The following TNKS variants were observed in gnomAD, a reference collection of about 807,000 sequenced individuals.
TNKS encodes the protein poly [ADP-ribose] polymerase tankyrase-1.
TNKS carries 72 observed loss-of-function variants against 135.8 expected under a neutral mutation model. The observed-to-expected ratio is 0.53, with a 90% CI of 0.44 to 0.64. TNKS has a LOEUF of 0.64. Ranked by LOEUF, TNKS falls within the 30% of genes least tolerant of loss-of-function variation. The pLI is 0.00. For missense variants in TNKS, 1,769 were observed against 1,674.0 expected (o/e 1.06, Z -0.99); for synonymous variants, 849 against 649.3 (o/e 1.31, Z -4.68).
In TNKS at chr8:9,779,937, A is replaced by C. The variant is rs984315086; in HGVS notation, c.*3201A>C. On this transcript the variant is annotated 3_prime_UTR_variant, in exon 27 of 27. Coordinates refer to ENST00000310430, the MANE Select transcript of TNKS (RefSeq NM_003747.3). ...GATGTTTTCATGAAATAGCATCCTTATACTTCTTTGAGCTTGATGTTAGTG... is the reference window on the plus strand; with the variant it reads ...GATGTTTTCATGAAATAGCATCCTTCTACTTCTTTGAGCTTGATGTTAGTG... 2.6e-5 allele frequency: 4 copies of C among 152,256 alleles called. No homozygotes were observed. The highest frequency in any genetic ancestry group is 1.9e-4 in the East Asian group (1 of 5,202). 9.4% of individuals were successfully genotyped at this position (152,256 alleles called of 1,614,324 possible).
intron 11 of TNKS, among the ~76,000 whole-genome samples, chr8:9,719,893 G>T (rs1804791109): frequency 6.6e-6 from 1 of 152,112 alleles, no homozygotes; most frequent in African/African-American, 2.4e-5. Context: ...ATTCAATTAA[G>T]ATATTATAAT....
intron 3 of TNKS, among the ~76,000 whole-genome samples, chr8:9,677,107 C>G (rs999636649): frequency 6.6e-6 from 1 of 152,110 alleles, no homozygotes; most frequent in Admixed American, 6.6e-5. Context: ...GTTAGCTGTT[C>G]CTGGGAGCTA....
chr8:9,741,645 C>T (rs1563202894), intron 17 of TNKS: 1 of 488,756 alleles, frequency 2.0e-6, no homozygotes. Flanking sequence ...AAGTATTTTA[C>T]CTTTTGATCC....
intron 2 of TNKS, among the ~76,000 whole-genome samples, chr8:9,587,770 TTTG>T (rs1450739880): frequency 8.5e-5 from 13 of 152,146 alleles, no homozygotes; most frequent in Non-Finnish European, 1.9e-4. Context: ...GGAGAGTAAG[TTTG>T]TTGTTGTTAT....
chr8:9,774,022 A>G (rs542129924), intron 26 of TNKS, among the ~76,000 whole-genome samples: 124 of 152,274 alleles, frequency 8.1e-4, no homozygotes, highest in African/African-American at 2.8e-3. Flanking sequence ...GAGTAGTAGT[A>G]TTCGTTATTG....
chr8:9,595,921 G>A (rs906286669), intron 2 of TNKS, among the ~76,000 whole-genome samples: 19 of 152,242 alleles, frequency 1.2e-4, no homozygotes, highest in African/African-American at 4.3e-4. Context: ...AGACCAGCCT[G>A]AGCAATAAAG....
chr8:9,747,259 TC>T (rs905751437), intron 17 of TNKS, among the ~76,000 whole-genome samples: 50 of 133,986 alleles, frequency 3.7e-4, no homozygotes, highest in African/African-American at 1.3e-3. Flanking sequence ...CCCCCCTCCT[TC>T]CCCCCCTCAA....
chr8:9,696,075 A>T (rs1414627272), intron 5 of TNKS, among the ~76,000 whole-genome samples: 1 of 152,194 alleles, frequency 6.6e-6, no homozygotes, highest in African/African-American at 2.4e-5. Context: ...CCTCCACAGT[A>T]TGGAAGTTAG....
chr8:9,759,222 C>T (rs530989302), intron 20 of TNKS, among the ~76,000 whole-genome samples: 11 of 152,232 alleles, frequency 7.2e-5, no homozygotes, highest in Non-Finnish European at 1.6e-4. Context: ...TTGAGTCTGT[C>T]TGCCATAGCG....
At position 9,764,884 on chromosome 8, in the gene TNKS, T is replaced by C. The variant is rs186852638; in HGVS notation, c.3447+94T>C. On this transcript the variant is annotated intron_variant, in intron 23 of 26. Transcript: ENST00000310430. ...GAAAAAAGTTTATTAAGTCATATTTTCAAACTGTGAAAGATAATTCGTCAC... is the reference window on the plus strand; with the variant it reads ...GAAAAAAGTTTATTAAGTCATATTTCCAAACTGTGAAAGATAATTCGTCAC... 37 of 971,480 alleles carry C rather than the reference T, an allele frequency of 3.8e-5. No individual in the cohort carries two copies. The East Asian group carries it at 9.6e-4, about 25-fold the overall frequency. 60.2% of individuals were successfully genotyped at this position (971,480 alleles called of 1,614,324 possible).
Position 9,735,491 on chromosome 8 carries a change from G to A in TNKS, c.2643+5G>A. 6.2e-7 allele frequency: 1 copy of A among 1,610,126 alleles called. No homozygotes were observed. The highest frequency in any genetic ancestry group is 8.5e-7 in the Non-Finnish European group (1 of 1,176,444). ...CATAATGCGGCATCTTATGGGGTAA[G>A]CATACTAACATTAAAATCTAGAAAA... On this transcript the variant is annotated splice_donor_5th_base_variant and intron_variant, in intron 17 of 26. Transcript: ENST00000310430.
At chr8:9,636,331 A>G (rs1013911355) in intron 3 of TNKS, among the ~76,000 whole-genome samples, 1 of 152,164 alleles carries the variant, frequency 6.6e-6, no homozygotes, top group Non-Finnish European at 1.5e-5. Flanking sequence ...AAACTGATTG[A>G]TGTTAATAAG....
chr8:9,614,442 T>TC (rs1799566530), intron 2 of TNKS, among the ~76,000 whole-genome samples: 1 of 152,242 alleles, frequency 6.6e-6, no homozygotes, highest in Admixed American at 6.5e-5. Flanking sequence ...GGCAGCTGTG[T>TC]CCTAGTTCTG....
intron 1 of TNKS, chr8:9,557,391 C>T (rs1815368861): frequency 7.0e-6 from 1 of 143,164 alleles, no homozygotes; most frequent in South Asian, 2.2e-4. Flanking sequence ...CTGGACCCCA[C>T]ACTTGTCTTT....
In TNKS at chr8:9,733,340, G is replaced by C. The variant is rs761572267; in HGVS notation, c.2209G>C (p.Val737Leu). ...ACACTATGAGGTGGCTGAGCTTTTA[G>C]TAAGGCATGGGGCTTCTGTCAATGT... ...YGHYEVAELL[V>L]RHGASVNVAD... The change falls in exon 15 of 27, where the codon GTA becomes CTA. Residue 737 changes from valine to leucine, a missense_variant. By Grantham distance (32) the Val-to-Leu change is conservative. Coordinates refer to ENST00000310430, the MANE Select transcript of TNKS (RefSeq NM_003747.3). 1 of 1,607,868 alleles carries C rather than the reference G, an allele frequency of 6.2e-7. No homozygotes were observed. The highest frequency in any genetic ancestry group is 8.5e-7 in the Non-Finnish European group (1 of 1,178,196).
chr8:9,744,013 C>CT (rs1163954302), intron 17 of TNKS, among the ~76,000 whole-genome samples: 1 of 152,126 alleles, frequency 6.6e-6, no homozygotes, highest in African/African-American at 2.4e-5. Context: ...TACTTATTTA[C>CT]TTTTTTCCCC....
chr8:9,683,136 G>A (rs759536091), intron 5 of TNKS, among the ~76,000 whole-genome samples: 2 of 151,756 alleles, frequency 1.3e-5, no homozygotes, highest in African/African-American at 4.8e-5. Flanking sequence ...TCTCATTTAC[G>A]GCACAGAGTA....
intron 3 of TNKS, among the ~76,000 whole-genome samples, chr8:9,623,216 G>T (rs1370183736): frequency 1.3e-5 from 2 of 152,148 alleles, no homozygotes; most frequent in East Asian, 3.9e-4. Context: ...TAGGGTTGAT[G>T]AACATTCATT....
intron 1 of TNKS, among the ~76,000 whole-genome samples, chr8:9,577,256 T>C (rs1434645643): frequency 1.3e-5 from 2 of 152,236 alleles, no homozygotes; most frequent in Non-Finnish European, 1.5e-5. Context: ...GTACTACTAC[T>C]TTGAGGCATT....
Sources: gnomAD v4.1 joint callset for allele counts (sites outside exome capture counted in the v4.1 genomes callset) on GRCh38, gnomAD v4.1.1 for gene constraint, MANE v1.5 for transcripts, NCBI Gene and HGNC (gene_info 2026-07-23, HGNC 2026-07-21) for gene names.